RB1CC1: variants seen among roughly 807,000 people sequenced by gnomAD.
RB1CC1 encodes the protein RB1-inducible coiled-coil protein 1.
A neutral mutation model predicts 177.5 loss-of-function variants in RB1CC1; 46 were observed. The observed-to-expected ratio is 0.26, with a 90% CI of 0.20 to 0.33. The LOEUF (loss-of-function observed/expected upper bound fraction) is 0.33, where lower values mean the gene tolerates loss of function less well. RB1CC1 is among the 10% of genes least tolerant of loss of function. RB1CC1 has a pLI of 1.00. For missense variants in RB1CC1, 1,703 were observed against 1,816.3 expected (o/e 0.94, Z 1.13); for synonymous variants, 666 against 613.6 (o/e 1.09, Z -1.26).
chr8:52,626,511 G>C (rs1352190814), intron 22 of RB1CC1, among the ~76,000 whole-genome samples: 1 of 152,096 alleles, frequency 6.6e-6, no homozygotes, highest in Non-Finnish European at 1.5e-5. Flanking sequence ...AAAAGATATT[G>C]CAAGTGGGGT....
intron 15 of RB1CC1, among the ~76,000 whole-genome samples, chr8:52,654,429 G>C (rs528271436): frequency 2.6e-5 from 4 of 152,148 alleles, no homozygotes; most frequent in African/African-American, 9.6e-5. Context: ...GCTGTAGCCA[G>C]ATGCAGTTTC....
At position 52,630,463 on chromosome 8, in the gene RB1CC1, T is replaced by C. The variant is rs1462801573; in HGVS notation, c.4499+7A>G. ...CAGAAAAATACTCACAAAACTAAAATACTTACTCTCTAATAGCTATCTTTT... is the reference window on the plus strand; with the variant it reads ...CAGAAAAATACTCACAAAACTAAAACACTTACTCTCTAATAGCTATCTTTT... On this transcript the variant is annotated splice_region_variant and intron_variant, in intron 21 of 23. Coordinates refer to ENST00000025008, the MANE Select transcript of RB1CC1 (RefSeq NM_014781.5). 3 of 1,571,898 alleles carry C rather than the reference T, an allele frequency of 1.9e-6. No individual in the cohort carries two copies. The highest frequency in any genetic ancestry group is 2.4e-5 in the South Asian group (2 of 83,024).
intron 8 of RB1CC1, among the ~76,000 whole-genome samples, chr8:52,663,066 C>A (rs1048574605): frequency 2.3e-4 from 35 of 152,008 alleles, no homozygotes; most frequent in Admixed American, 6.6e-5. Flanking sequence ...ATTTGCTCAA[C>A]CATACTCAAT....
chr8:52,624,854 GC>G, intron 22 of RB1CC1, 67 bp from the exon 23 acceptor site: 1 of 1,205,948 alleles, frequency 8.3e-7, no homozygotes, highest in Non-Finnish European at 1.1e-6. Flanking sequence ...AAACATAACT[GC>G]CAGAATTAAA....
intron 8 of RB1CC1, among the ~76,000 whole-genome samples, chr8:52,667,189 A>C (rs1852142381): frequency 6.6e-6 from 1 of 152,220 alleles, no homozygotes; most frequent in African/African-American, 2.4e-5. Flanking sequence ...GATTTAAGAG[A>C]TTTTCAAACA....
At chr8:52,695,864 C>G (rs1351689447) in intron 1 of RB1CC1, among the ~76,000 whole-genome samples, 1 of 152,084 alleles carries the variant, frequency 6.6e-6, no homozygotes, top group Non-Finnish European at 1.5e-5. Flanking sequence ...TGACCTGTTC[C>G]AGTGAATTCT....
At chr8:52,690,484 GAA>G (rs1854741670) in intron 1 of RB1CC1, among the ~76,000 whole-genome samples, 1 of 152,154 alleles carries the variant, frequency 6.6e-6, no homozygotes, top group South Asian at 2.1e-4. Context: ...ACGCACAAAA[GAA>G]AAGAGTGGGT....
rs1296515413 is a variant in RB1CC1 at position 52,656,688 on chromosome 8, T to A, written c.3141A>T (p.Lys1047Asn). 1.2e-6 allele frequency: 2 copies of A among 1,613,654 alleles called. No individual in the cohort carries two copies. The highest frequency in any genetic ancestry group is 1.7e-6 in the Non-Finnish European group (2 of 1,179,882). The change falls in exon 15 of 24, where the codon AAA becomes AAT. Residue 1047 changes from lysine to asparagine, a missense_variant. Lys to Asn is a moderately conservative substitution (Grantham distance 94). Coordinates refer to ENST00000025008, the MANE Select transcript of RB1CC1 (RefSeq NM_014781.5). ...QEKEKQLQEL[K>N]LKVSDLSDTR... Reference sequence around the variant, plus strand: ...TGTCTGACAAATCAGAAACCTTGAGTTTTAATTCCTGTAACTGTTTTTCTT... The same window carrying A: ...TGTCTGACAAATCAGAAACCTTGAGATTTAATTCCTGTAACTGTTTTTCTT...
chr8:52,681,524 T>G (rs989625837), intron 5 of RB1CC1, among the ~76,000 whole-genome samples: 3 of 152,170 alleles, frequency 2.0e-5, no homozygotes, highest in Non-Finnish European at 4.4e-5. Flanking sequence ...CACCTCTAAT[T>G]CCTCACATAA....
chr8:52,686,741 G>C, intron 2 of RB1CC1, 112 bp downstream of exon 2: 1 of 322,374 alleles, frequency 3.1e-6, no homozygotes, highest in South Asian at 2.7e-5. Flanking sequence ...AAGCCTTAGA[G>C]AATTATTAGA....
At chr8:52,708,921 T>C (rs190483201) in intron 1 of RB1CC1, among the ~76,000 whole-genome samples, 53 of 152,242 alleles carry the variant, frequency 3.5e-4, no homozygotes, top group African/African-American at 1.3e-3. Context: ...AATCATCTTT[T>C]CTCTCTGAAG....
At chr8:52,659,054 A>G (rs549935553) in intron 12 of RB1CC1, 78 bp from the exon 13 acceptor site, 4 of 717,404 alleles carry the variant, frequency 5.6e-6, no homozygotes, top group African/African-American at 3.7e-5. Flanking sequence ...ATTTCTTACT[A>G]TAATTAAATT....
intron 6 of RB1CC1, among the ~76,000 whole-genome samples, chr8:52,674,760 G>C (rs891343308): frequency 1.3e-5 from 2 of 149,710 alleles, no homozygotes; most frequent in African/African-American, 2.5e-5. Context: ...GACAGAGCAA[G>C]GCTCCGTCTC....
intron 8 of RB1CC1, among the ~76,000 whole-genome samples, chr8:52,662,941 A>G (rs1851754189): frequency 6.6e-6 from 1 of 152,106 alleles, no homozygotes; most frequent in East Asian, 1.9e-4. Context: ...TATAGAATCA[A>G]TCCCAAATTT....
At chr8:52,663,695 C>T (rs1851821873) in intron 8 of RB1CC1, among the ~76,000 whole-genome samples, 1 of 152,002 alleles carries the variant, frequency 6.6e-6, no homozygotes, top group Non-Finnish European at 1.5e-5. Flanking sequence ...AGGGAAATAC[C>T]ATTAGCAGCA....
At chr8:52,640,369 G>A (rs1450035017) in intron 18 of RB1CC1, among the ~76,000 whole-genome samples, 1 of 152,144 alleles carries the variant, frequency 6.6e-6, no homozygotes, top group Non-Finnish European at 1.5e-5. Flanking sequence ...CTAGAAAAGA[G>A]CATTTTGAAT....
At chr8:52,632,746 C>T (rs565019627) in intron 20 of RB1CC1, among the ~76,000 whole-genome samples, 4 of 152,256 alleles carry the variant, frequency 2.6e-5, no homozygotes, top group Non-Finnish European at 4.4e-5. Context: ...CTGGGAACTA[C>T]ATCAAGCAAA....
chr8:52,712,534 C>T (rs973473867), intron 1 of RB1CC1, among the ~76,000 whole-genome samples: 2 of 149,374 alleles, frequency 1.3e-5, no homozygotes, highest in Admixed American at 6.6e-5. Context: ...ACAAAAGTAC[C>T]GCTTCATTGT....
chr8:52,622,675 A>T lies in RB1CC1; in HGVS notation c.*1107T>A, dbSNP rs2150359904. On this transcript the variant is annotated 3_prime_UTR_variant, in exon 24 of 24. Coordinates refer to ENST00000025008, the MANE Select transcript of RB1CC1 (RefSeq NM_014781.5). ...TCATCCAACTCAACTAACTCATTTA[A>T]ATAACTTTGCTCAATGGCAACTTCT... 1 of 152,212 alleles carries T rather than the reference A, an allele frequency of 6.6e-6. No homozygotes were observed. The highest frequency in any genetic ancestry group is 1.9e-4 in the East Asian group (1 of 5,190). 9.4% of individuals were successfully genotyped at this position (152,212 alleles called of 1,614,324 possible). A position where few individuals can be genotyped will look rare whatever the true frequency, so the allele number is the denominator to read the frequency against.
Sources: gnomAD v4.1 joint callset for allele counts (sites outside exome capture counted in the v4.1 genomes callset) on GRCh38, gnomAD v4.1.1 for gene constraint, MANE v1.5 for transcripts, NCBI Gene and HGNC (gene_info 2026-07-23, HGNC 2026-07-21) for gene names.